The following KDM3B variants were observed in gnomAD, a reference collection of about 807,000 sequenced individuals.
KDM3B encodes lysine demethylase 3B, also known as lysine-specific demethylase 3B.
KDM3B carries 10 observed loss-of-function variants against 170.0 expected under a neutral mutation model. That is an observed-to-expected ratio of 0.06 (90% CI 0.04 to 0.10). The LOEUF (loss-of-function observed/expected upper bound fraction) is 0.10. KDM3B is among the 10% of genes least tolerant of loss of function. The probability of loss-of-function intolerance (pLI) is 1.00; values close to 1 mark genes in which losing one functional copy is unlikely to be tolerated. For synonymous variants in KDM3B, 831 were observed against 834.8 expected (o/e 1.00, Z 0.08); for missense variants, 1,394 against 2,195.2 (o/e 0.64, Z 7.29).
chr5:138,387,209 T>C (rs954681722), intron 7 of KDM3B, among the ~76,000 whole-genome samples: 5 of 152,344 alleles, frequency 3.3e-5, no homozygotes, highest in African/African-American at 1.2e-4. Context: ...TTATCTGATA[T>C]GCATATATTG....
rs1194617943 is a variant in KDM3B, at chr5:138,416,607, AAAAC to A, written c.3308-874_3308-871del. Among the ~76,000 whole-genome samples, 31 of 151,386 alleles carry A rather than the reference AAAAC, an allele frequency of 2.0e-4. No individual in the cohort carries two copies. The East Asian group carries it at 3.9e-3, about 19-fold the overall frequency. On this transcript the variant is annotated intron_variant, in intron 12 of 23. Coordinates refer to ENST00000314358, the MANE Select transcript of KDM3B (RefSeq NM_016604.4). Reference sequence around the variant, plus strand: ...CTGTCTCAAAAAAAAAAAAAAAAAAAAAACATAACAAAAAACCAAAGAAAACTTT... The same window carrying A: ...CTGTCTCAAAAAAAAAAAAAAAAAAAATAACAAAAAACCAAAGAAAACTTT...
At chr5:138,395,458 A>G (rs1454796796) in intron 9 of KDM3B, among the ~76,000 whole-genome samples, 1 of 152,188 alleles carries the variant, frequency 6.6e-6, no homozygotes, top group African/African-American at 2.4e-5. Context: ...GGAATAATGA[A>G]CTGTGTCAAA....
intron 23 of KDM3B, among the ~76,000 whole-genome samples, chr5:138,433,430 A>T (rs1369763863): frequency 7.3e-6 from 1 of 137,048 alleles, no homozygotes; most frequent in African/African-American, 2.8e-5. Context: ...TTTTTTTGAG[A>T]CAGTCTCACT....
chr5:138,363,952 T>C (rs1430452778), intron 1 of KDM3B, among the ~76,000 whole-genome samples: 1 of 150,556 alleles, frequency 6.6e-6, no homozygotes, highest in Non-Finnish European at 1.5e-5. Context: ...TCACTCACTC[T>C]GTCGCCTAGG....
intron 9 of KDM3B, 196 bp from the exon 10 acceptor site, chr5:138,397,982 A>C: frequency 2.1e-6 from 1 of 486,434 alleles, no homozygotes; most frequent in Admixed American, 3.8e-5. Flanking sequence ...CAGCTTTTTA[A>C]AGAATCTAGA....
chr5:138,360,983 G>T (rs914176314), intron 1 of KDM3B, among the ~76,000 whole-genome samples: 2 of 152,062 alleles, frequency 1.3e-5, no homozygotes, highest in African/African-American at 4.8e-5. Flanking sequence ...CAGCTTCCTG[G>T]GTCTCTTCTC....
rs534138291 is a variant in KDM3B at position 138,411,340 on chromosome 5, T to C, written c.3200-3792T>C. On this transcript the variant is annotated intron_variant, in intron 11 of 23. Transcript: ENST00000314358. The stretch of plus-strand genomic sequence containing the variant: ...GGTTATGATTATAGAGCGAGGATTA[T>C]TATAATATTGGGATAAAGAATAATT... Among the ~76,000 whole-genome samples the C allele has an allele frequency of 2.6e-5, 4 of 152,342 alleles. No homozygotes were observed. In the East Asian group the frequency reaches 7.7e-4, roughly 29 times the overall value.
intron 23 of KDM3B, among the ~76,000 whole-genome samples, chr5:138,433,389 G>A (rs1245473357): frequency 2.7e-5 from 4 of 150,878 alleles, no homozygotes; most frequent in Non-Finnish European, 5.9e-5. Context: ...CTGGGATTAC[G>A]GATGTGAGCC....
In KDM3B at chr5:138,420,779, T is replaced by A; in HGVS notation, c.3789T>A (p.Thr1263=). 2 of 1,614,170 alleles carry A rather than the reference T, an allele frequency of 1.2e-6. No individual in the cohort carries two copies. The highest frequency in any genetic ancestry group is 1.7e-6 in the Non-Finnish European group (2 of 1,180,030). Residue 1263 remains threonine, a synonymous_variant, in exon 15 of 24, where the codon ACT becomes ACA. Coordinates refer to ENST00000314358, the MANE Select transcript of KDM3B (RefSeq NM_016604.4). ...TTGGGCTGGACTCGTTCAACTCCAC[T>A]GCAAAGGTCTCTCCGCTGACTCCAA... ...SPFGLDSFNS[T]AKVSPLTPKL... is the part of the protein sequence containing the mutation.
intron 1 of KDM3B, among the ~76,000 whole-genome samples, chr5:138,356,699 G>T (rs1444005216): frequency 6.9e-6 from 1 of 144,270 alleles, no homozygotes; most frequent in Non-Finnish European, 1.5e-5. Flanking sequence ...CTGGAGTGCA[G>T]TGGCTCCATC....
chr5:138,432,778 G>A (rs1197938426), intron 23 of KDM3B, among the ~76,000 whole-genome samples: 1 of 152,040 alleles, frequency 6.6e-6, no homozygotes, highest in Admixed American at 6.6e-5. Flanking sequence ...TGATAGATCA[G>A]ATTGAAGAGG....
At chr5:138,368,388 A>T (rs7730416) in intron 1 of KDM3B, among the ~76,000 whole-genome samples, 38,759 of 150,804 alleles carry the variant, frequency 0.26, 5,624 homozygotes, top group East Asian at 0.56. Flanking sequence ...GTACCCCACC[A>T]TGCCTGGTTT....
At chr5:138,419,792 C>A (rs1763224967) in intron 14 of KDM3B, among the ~76,000 whole-genome samples, 1 of 144,210 alleles carries the variant, frequency 6.9e-6, no homozygotes, top group Non-Finnish European at 1.5e-5. Context: ...TACCTTTCAA[C>A]TTCTTTCTAG....
chr5:138,429,212 C>T (rs569832974), intron 20 of KDM3B, among the ~76,000 whole-genome samples: 36 of 152,078 alleles, frequency 2.4e-4, no homozygotes, highest in South Asian at 2.1e-4. Flanking sequence ...CCACCATACT[C>T]GGCTAATTTT....
chr5:138,386,171 C>T lies in KDM3B; in HGVS notation c.930C>T (p.Asp310=). The T allele has an allele frequency of 6.2e-7, 1 of 1,614,056 alleles. No homozygotes were observed. The change falls in exon 7 of 24, where the codon GAC becomes GAT. Residue 310 remains aspartate, a synonymous_variant. Transcript: ENST00000314358. ...KKLKGDRGEV[D]SNGSDGGEAS... is the part of the protein sequence containing the mutation. ...TAAAAGGAGACAGGGGTGAAGTAGA[C>T]AGTAATGGGAGCGATGGAGGTGAGG...
intron 11 of KDM3B, 49 bp from the exon 12 acceptor site, chr5:138,415,083 A>T: frequency 1.6e-6 from 2 of 1,285,568 alleles, no homozygotes; most frequent in Non-Finnish European, 2.2e-6. Context: ...ACTGAGAAGG[A>T]TCCATTTTTG....
intron 9 of KDM3B, 145 bp downstream of exon 9, chr5:138,393,517 C>G (rs1762483801): frequency 1.2e-5 from 8 of 664,876 alleles, no homozygotes; most frequent in Admixed American, 2.8e-5. Context: ...TGAAGAGGCT[C>G]TGGCATAGTA....
intron 19 of KDM3B, among the ~76,000 whole-genome samples, chr5:138,427,741 GA>G (rs913086165): frequency 2.6e-5 from 4 of 152,210 alleles, no homozygotes; most frequent in African/African-American, 4.8e-5. Flanking sequence ...TTTTCATGGA[GA>G]GATTGTTTTT....
chr5:138,432,756 T>C (rs1763566853), intron 23 of KDM3B, among the ~76,000 whole-genome samples: 1 of 152,184 alleles, frequency 6.6e-6, no homozygotes, highest in Non-Finnish European at 1.5e-5. Context: ...CAAGTGTATC[T>C]TTTTTGGTTG....
Sources: gnomAD v4.1 joint callset for allele counts (sites outside exome capture counted in the v4.1 genomes callset) on GRCh38, gnomAD v4.1.1 for gene constraint, MANE v1.5 for transcripts, NCBI Gene and HGNC (gene_info 2026-07-23, HGNC 2026-07-21) for gene names.